XRCC3: variants seen among roughly 807,000 people sequenced by gnomAD.
XRCC3 encodes the protein DNA repair protein XRCC3.
XRCC3 carries 34 observed loss-of-function variants against 29.2 expected under a neutral mutation model. The observed-to-expected ratio is 1.16, with a 90% CI of 0.88 to 1.55. The LOEUF (loss-of-function observed/expected upper bound fraction) is 1.55, where lower values mean the gene tolerates loss of function less well. Among genes scored for constraint, XRCC3 ranks in the 40% most tolerant of loss-of-function variants. The pLI is 0.00. For synonymous variants in XRCC3, 223 were observed against 211.3 expected, an observed-to-expected ratio of 1.06 and a Z score of -0.48; for missense variants, 463 against 467.6, an observed-to-expected ratio of 0.99 and a Z score of 0.09.
At chr14:103,706,409 C>T (rs1352172396) in intron 6 of XRCC3, 6 of 456,034 alleles carry the variant, frequency 1.3e-5, no homozygotes, top group Non-Finnish European at 2.2e-5. Flanking sequence ...ACGTGGGAAT[C>T]GCATGTTGAC....
At chr14:103,714,198 A>C (rs556351776) in intron 1 of XRCC3, 1 of 152,376 alleles carries the variant, frequency 6.6e-6, no homozygotes, top group African/African-American at 2.4e-5. Flanking sequence ...AGCACTGTGA[A>C]CCCGAGAACA....
At chr14:103,700,140 C>A in intron 7 of XRCC3, 1 of 204,910 alleles carries the variant, frequency 4.9e-6, no homozygotes, top group Non-Finnish European at 1.0e-5. Flanking sequence ...AGGCGTGGGG[C>A]ACTCTGGGAG....
At chr14:103,706,039 T>C (rs1403055118) in intron 6 of XRCC3, 3 of 285,174 alleles carry the variant, frequency 1.1e-5, no homozygotes, top group African/African-American at 6.6e-5. Context: ...TGCCCTCCCC[T>C]GGGCTGCAGG....
rs571569002 is a variant in XRCC3, at chr14:103,711,492, G to A, written c.-185C>T. On this transcript the variant is annotated 5_prime_UTR_variant, in exon 3 of 10. The change creates a new upstream start codon in the 5' untranslated region. Transcript: ENST00000555055. ...TCTCTGGGGCTTGGGGATGACCCGC[G>A]TGTTTTTGGCTGACTTGACTGAGGC... 1 of 474,346 alleles carries A rather than the reference G, an allele frequency of 2.1e-6. No homozygotes were observed. Among genetic ancestry groups the A allele is most frequent in the East Asian group, 6.5e-5 (1 of 15,490 alleles). 29.4% of individuals were successfully genotyped at this position (474,346 alleles called of 1,614,324 possible).
At position 103,703,253 on chromosome 14, in the gene XRCC3, G is replaced by A. The variant is rs1178552124; in HGVS notation, c.481C>T (p.Leu161=). The A allele has an allele frequency of 6.4e-7, 1 of 1,561,570 alleles. No homozygotes were observed. The highest frequency in any genetic ancestry group is 8.7e-7 in the Non-Finnish European group (1 of 1,154,266). ...LQQLMAQQPR[L]RTDVPGELLQ... is the part of the protein sequence containing the mutation. ...AGCTCTCCTGGAACGTCAGTGCGCA[G>A]CCGCGGCTGCTGGGCCATGAGCTGC... Residue 161 remains leucine (L), a synonymous_variant, in exon 7 of 10, where the codon CTG becomes TTG. Transcript: ENST00000555055.
At chr14:103,699,880 A>T in intron 7 of XRCC3, 1 of 439,892 alleles carries the variant, frequency 2.3e-6, no homozygotes, top group Non-Finnish European at 4.3e-6. Flanking sequence ...TCCTTTGCGC[A>T]GGCTCCTGAG....
chr14:103,706,317 T>C (rs1284024735), intron 6 of XRCC3: 1 of 455,398 alleles, frequency 2.2e-6, no homozygotes, highest in East Asian at 7.0e-5. Context: ...CGGCCCTGTG[T>C]GGGAAGTGAG....
intron 7 of XRCC3, chr14:103,700,033 C>A (rs2083006749): frequency 7.4e-6 from 2 of 269,874 alleles, no homozygotes; most frequent in Admixed American, 9.7e-5. Context: ...CAAAGCCAGC[C>A]CGTGGTGGCC....
At position 103,703,293 on chromosome 14, in the gene XRCC3, C is replaced by G. The variant is rs138987760; in HGVS notation, c.441G>C (p.Pro147=). ...AVYICTEDAF[P]HKRLQQLMAQ... is the part of the protein sequence containing the mutation. ...CCATGAGCTGCTGCAGGCGCTTGTG[C>G]GGGAAGGCGTCTTCCGTGCAGATGT... is the stretch of plus-strand genomic sequence containing the variant. Residue 147 remains proline, a synonymous_variant, in exon 7 of 10, where the codon CCG becomes CCC. Coordinates refer to ENST00000555055, the MANE Select transcript of XRCC3 (RefSeq NM_005432.4). 1 of 1,555,910 alleles carries G rather than the reference C, an allele frequency of 6.4e-7. No homozygotes were observed. The highest frequency in any genetic ancestry group is 8.7e-7 in the Non-Finnish European group (1 of 1,152,766).
chr14:103,707,419 G>A (rs2083473716), intron 5 of XRCC3: 2 of 656,788 alleles, frequency 3.0e-6, no homozygotes, highest in Non-Finnish European at 5.4e-6. Context: ...TGCAGAGTCA[G>A]GGGGAGCCCC....
In XRCC3 at chr14:103,698,901, C is replaced by G. The variant is rs546709768; in HGVS notation, c.938G>C (p.Arg313Pro). ...GGGGGCAGAGAGCACCCGCAGGGTC[C>G]GGGCTGGGCAGCCGAGGGCAGCCTC... ...EEEAALGCPA[R>P]TLRVLSAPHL... Residue 313 changes from arginine (R) to proline (P), a missense_variant, in exon 10 of 10, where the codon CGG becomes CCG. Physicochemically the swap from Arg to Pro is moderately radical, Grantham distance 103. Transcript: ENST00000555055. 2 of 1,602,348 alleles carry G rather than the reference C, an allele frequency of 1.2e-6. No individual in the cohort carries two copies. Among genetic ancestry groups the G allele is most frequent in the Middle Eastern group, 1.7e-4 (1 of 6,020 alleles).
chr14:103,706,674 TC>T, intron 6 of XRCC3: 1 of 425,788 alleles, frequency 2.3e-6, no homozygotes, highest in Admixed American at 3.5e-5. Context: ...CGTTGCTGGC[TC>T]TGTGGACTCT....
chr14:103,699,239 C>A, intron 8 of XRCC3, 60 bp from the exon 9 acceptor site: 23 of 1,541,456 alleles, frequency 1.5e-5, no homozygotes, highest in Non-Finnish European at 2.0e-5. Context: ...TGGTTAGGCA[C>A]AGGCTGCTAC....
At chr14:103,703,039 C>G in intron 7 of XRCC3, 134 bp downstream of exon 7, 1 of 1,374,824 alleles carries the variant, frequency 7.3e-7, no homozygotes, top group Non-Finnish European at 9.9e-7. Context: ...CCCCCATGAC[C>G]CATGCTGTGT....
In XRCC3 at chr14:103,708,566, A is replaced by G. The variant is rs2083522973; in HGVS notation, c.149T>C (p.Leu50Pro). The G allele has an allele frequency of 6.2e-7, 1 of 1,614,098 alleles. No individual in the cohort carries two copies. Among genetic ancestry groups the G allele is most frequent in the African/African-American group, 1.3e-5 (1 of 74,944 alleles). ...CCGCAAGTGTAAGGAGGCCGTTCTC[A>G]GCAAGTGCCAGACCTCGGGGCTGGA... Reference protein sequence around the residue: ...NLSSPEVWHLLRTASLHLRGS... With the variant: ...NLSSPEVWHLPRTASLHLRGS... The change falls in exon 5 of 10, where the codon CTG becomes CCG. Residue 50 changes from leucine to proline, a missense_variant. Coordinates refer to ENST00000555055, the MANE Select transcript of XRCC3 (RefSeq NM_005432.4).
In XRCC3 at chr14:103,699,415, C is replaced by T. The variant is rs79874791; in HGVS notation, c.723G>A (p.Thr241=). The change falls in exon 8 of 10, where the codon ACG becomes ACA. Residue 241 remains threonine, a synonymous_variant. Coordinates refer to ENST00000555055, the MANE Select transcript of XRCC3 (RefSeq NM_005432.4). ...GGAAGGCACTGCTCAGCTCACGCAG[C>T]GTGGCCCCCAGGGACTGCAGATGCC... ...RARHLQSLGA[T]LRELSSAFQS... is the part of the protein sequence containing the mutation. 28 of 1,612,520 alleles carry T rather than the reference C, an allele frequency of 1.7e-5. No homozygotes were observed. Among genetic ancestry groups the T allele is most frequent in the African/African-American group, 4.0e-5 (3 of 74,916 alleles).
At chr14:103,711,885 T>C (rs911538070) in intron 2 of XRCC3, 2 of 357,310 alleles carry the variant, frequency 5.6e-6, no homozygotes, top group Admixed American at 3.7e-5. Flanking sequence ...AGACCAAGAG[T>C]GTCCAGGACA....
At chr14:103,709,568 G>T (rs1040453051) in intron 4 of XRCC3, 2 of 152,284 alleles carry the variant, frequency 1.3e-5, no homozygotes, top group African/African-American at 4.8e-5. Flanking sequence ...GAAAACACAA[G>T]GAGATGGAAG....
chr14:103,711,204 A>G lies in XRCC3; in HGVS notation c.-117T>C, dbSNP rs1229784960. 1 of 1,119,068 alleles carries G rather than the reference A, an allele frequency of 8.9e-7. No individual in the cohort carries two copies. The highest frequency in any genetic ancestry group is 1.3e-6 in the Non-Finnish European group (1 of 745,820). 69.3% of individuals were successfully genotyped at this position (1,119,068 alleles called of 1,614,324 possible). On this transcript the variant is annotated 5_prime_UTR_variant, in exon 4 of 10. Transcript: ENST00000555055. ...GCCTGTGGGAGGCCCGAACCAGGGA[A>G]GTGACAGCAGCCGAGGTGTCCGTGT...
Sources: gnomAD v4.1 joint callset for allele counts on GRCh38, gnomAD v4.1.1 for gene constraint, MANE v1.5 for transcripts, NCBI Gene and HGNC (gene_info 2026-07-23, HGNC 2026-07-21) for gene names.